PRTN3: variants seen among roughly 807,000 people sequenced by gnomAD.
PRTN3 encodes myeloblastin.
In PRTN3, 22 loss-of-function variants were observed where a neutral mutation model predicts 20.7. The observed-to-expected ratio is 1.06, with a 90% CI of 0.76 to 1.52. PRTN3 has a LOEUF of 1.52. Ranked by LOEUF, PRTN3 falls within the 40% of genes most tolerant of loss-of-function variation. PRTN3 has a pLI of 0.00. For missense variants in PRTN3, 378 were observed against 359.6 expected (o/e 1.05, Z -0.41); for synonymous variants, 173 against 152.9 (o/e 1.13, Z -0.97).
chr19:843,844 C>T, intron 2 of PRTN3, 49 bp from the exon 3 acceptor site: 2 of 1,534,196 alleles, frequency 1.3e-6, no homozygotes, highest in South Asian at 1.2e-5. Flanking sequence ...CGGCTGTGGG[C>T]GGCGGCGAGT....
At position 843,996 on chromosome 19, in the gene PRTN3, G is replaced by T; in HGVS notation, c.331G>T (p.Asp111Tyr). 2 of 1,607,124 alleles carry T rather than the reference G, an allele frequency of 1.2e-6. No individual in the cohort carries two copies. The highest frequency in any genetic ancestry group is 1.7e-6 in the Non-Finnish European group (2 of 1,177,270). Reference sequence around the variant, plus strand: ...GGCTCAGGTGTTTCTGAACAACTACGACGCGGAGAACAAACTGAACGACGT... The same window carrying T: ...GGCTCAGGTGTTTCTGAACAACTACTACGCGGAGAACAAACTGAACGACGT... ...SVAQVFLNNYDAENKLNDVLL... is the reference protein window; with the variant it reads ...SVAQVFLNNYYAENKLNDVLL... The change falls in exon 3 of 5, where the codon GAC becomes TAC. Residue 111 changes from aspartate (D) to tyrosine (Y), a missense_variant. By Grantham distance (160) the Asp-to-Tyr change is radical. Coordinates refer to ENST00000234347, the MANE Select transcript of PRTN3 (RefSeq NM_002777.4).
At chr19:843,667 C>T in intron 2 of PRTN3, 41 bp downstream of exon 2, 1 of 1,542,200 alleles carries the variant, frequency 6.5e-7, no homozygotes, top group Non-Finnish European at 8.7e-7. Flanking sequence ...CCGCCCCGCC[C>T]TCTTCCTCCA....
intron 4 of PRTN3, among the ~76,000 whole-genome samples, chr19:847,073 A>T (rs2035526533): frequency 6.6e-6 from 1 of 152,130 alleles, no homozygotes; most frequent in South Asian, 2.1e-4. Flanking sequence ...TGGGAGGCCA[A>T]AGCGGAAGGA....
chr19:848,022 G>C lies in PRTN3; in HGVS notation c.*53G>C. The C allele has an allele frequency of 1.3e-6, 2 of 1,540,888 alleles. No homozygotes were observed. The highest frequency in any genetic ancestry group is 1.7e-6 in the Non-Finnish European group (2 of 1,144,536). On this transcript the variant is annotated 3_prime_UTR_variant, in exon 5 of 5. Transcript: ENST00000234347. ...ACCCCGAGCCTGGCTCCAAACCCTC[G>C]AGGCGGATCTTTGGACAGAAGCAGC... is the stretch of plus-strand genomic sequence containing the variant.
Position 843,510 on chromosome 19 carries a change from C to T in PRTN3, c.111C>T (p.His37=). The T allele has an allele frequency of 1.3e-6, 2 of 1,588,352 alleles. No homozygotes were observed. The highest frequency in any genetic ancestry group is 1.7e-6 in the Non-Finnish European group (2 of 1,170,514). ...TGGGCGGGCACGAGGCGCAGCCACA[C>T]TCCCGGCCCTACATGGCCTCCCTGC... ...EIVGGHEAQP[H]SRPYMASLQM... is the part of the protein sequence containing the mutation. The change falls in exon 2 of 5, where the codon CAC becomes CAT. Residue 37 remains histidine (H), a synonymous_variant. Transcript: ENST00000234347.
At chr19:843,410 C>T (rs541776339) in intron 1 of PRTN3, 51 bp from the exon 2 acceptor site, 4 of 1,492,738 alleles carry the variant, frequency 2.7e-6, no homozygotes, top group African/African-American at 2.8e-5. Context: ...TGCCATCCCC[C>T]CTTTCCCTGC....
At chr19:843,208 A>G (rs1283632245) in intron 1 of PRTN3, 6 of 519,232 alleles carry the variant, frequency 1.2e-5, no homozygotes, top group East Asian at 3.3e-5. Flanking sequence ...GAGCCACTGC[A>G]CCCAGCCACC....
At chr19:843,787 G>T in intron 2 of PRTN3, 106 bp from the exon 3 acceptor site, 1 of 1,456,998 alleles carries the variant, frequency 6.9e-7, no homozygotes, top group Non-Finnish European at 9.0e-7. Context: ...CCGGGGCAGG[G>T]TCGCCGAGGG....
rs569153272 is a variant in PRTN3 at position 846,217 on chromosome 19, C to T, written c.440C>T (p.Pro147Leu). ...CTGCCACAGCAGGACCAGCCAGTGC[C>T]CCACGGCACCCAGTGCCTGGCCATG... ...VQLPQQDQPV[P>L]HGTQCLAMGW... Residue 147 changes from proline (P) to leucine (L), a missense_variant, in exon 4 of 5, where the codon CCC becomes CTC. By Grantham distance (98) the Pro-to-Leu change is moderately conservative. Coordinates refer to ENST00000234347, the MANE Select transcript of PRTN3 (RefSeq NM_002777.4). The T allele has an allele frequency of 4.7e-5, 72 of 1,546,720 alleles. No individual in the cohort carries two copies. The African/African-American group carries it at 8.9e-4, about 19-fold the overall frequency.
intron 3 of PRTN3, 96 bp from the exon 4 acceptor site, chr19:846,051 T>G: frequency 1.1e-6 from 1 of 890,784 alleles, no homozygotes; most frequent in Non-Finnish European, 1.6e-6. Context: ...CGCGGCGTTT[T>G]GAGGTGGTGG....
At chr19:842,256 C>A (rs965031522) in intron 1 of PRTN3, among the ~76,000 whole-genome samples, 1 of 150,666 alleles carries the variant, frequency 6.6e-6, no homozygotes, top group African/African-American at 2.4e-5. Flanking sequence ...GAACTCCTGA[C>A]CTGAGGGGGA....
chr19:842,586 A>ATTTTTTTTTTTTTTTTT (rs71174326), intron 1 of PRTN3, among the ~76,000 whole-genome samples: 1 of 65,476 alleles, frequency 1.5e-5, no homozygotes, highest in African/African-American at 7.9e-5. Context: ...CACCTGGCTA[A>ATTTTTTTTTTTTTTTTT]TTTTTTTTTT....
rs776085171 is a variant in PRTN3 at position 843,664 on chromosome 19, G to A, written c.227+38G>A. ...CTCCACACCCCTGTCCGCCCGCCCC[G>A]CCCTCTTCCTCCAGCCCTGGCCCGG... is the stretch of plus-strand genomic sequence containing the variant. On this transcript the variant is annotated intron_variant, in intron 2 of 4. Transcript: ENST00000234347. 2.1e-5 allele frequency: 32 copies of A among 1,541,764 alleles called. No individual in the cohort carries two copies. The East Asian group carries it at 5.5e-4, about 27-fold the overall frequency.
chr19:847,440 C>T (rs1310879430), intron 4 of PRTN3, among the ~76,000 whole-genome samples: 1 of 127,304 alleles, frequency 7.9e-6, no homozygotes, highest in East Asian at 2.2e-4. Context: ...CTGTCGCAAA[C>T]AAAACAAAAA....
intron 3 of PRTN3, among the ~76,000 whole-genome samples, chr19:844,288 G>A (rs1249663101): frequency 1.4e-5 from 1 of 69,536 alleles, no homozygotes; most frequent in Non-Finnish European, 2.8e-5. Context: ...CCCCGCCCGC[G>A]CCTCTCCCCC....
At chr19:843,424 C>A in intron 1 of PRTN3, 37 bp from the exon 2 acceptor site, 6 of 1,515,090 alleles carry the variant, frequency 4.0e-6, no homozygotes, top group Non-Finnish European at 5.3e-6. Flanking sequence ...TCCCTGCAGC[C>A]TGGGGGCTCC....
chr19:843,363 C>A (rs562312874), intron 1 of PRTN3, 98 bp from the exon 2 acceptor site: 3 of 1,309,034 alleles, frequency 2.3e-6, no homozygotes, highest in South Asian at 3.1e-5. Context: ...GGTTGCAGAT[C>A]GGGAGACGGA....
In PRTN3 at chr19:843,450, C is replaced by T. The variant is rs925091505; in HGVS notation, c.62-11C>T. On this transcript the variant is annotated splice_polypyrimidine_tract_variant and intron_variant, in intron 1 of 4. Transcript: ENST00000234347. ...TGGGGGCTCCCTGACGCCTGGACTC[C>T]CCCCCTGCAGGTGCTGCCCGAGCTG... 6.5e-7 allele frequency: 1 copy of T among 1,549,598 alleles called. No homozygotes were observed. Among genetic ancestry groups the T allele is most frequent in the East Asian group, 2.4e-5 (1 of 41,790 alleles).
In PRTN3 at chr19:844,001, G is replaced by A. The variant is rs748605980; in HGVS notation, c.336G>A (p.Ala112=). Residue 112 remains alanine (A), a synonymous_variant, in exon 3 of 5, where the codon GCG becomes GCA. Transcript: ENST00000234347. ...VAQVFLNNYD[A]ENKLNDVLLI... ...AGGTGTTTCTGAACAACTACGACGC[G>A]GAGAACAAACTGAACGACGTTCTCC... 20 of 1,607,058 alleles carry A rather than the reference G, an allele frequency of 1.2e-5. No individual in the cohort carries two copies. The highest frequency in any genetic ancestry group is 3.4e-5 in the Admixed American group (2 of 59,222).
Sources: allele counts gnomAD v4.1 joint callset (sites outside exome capture counted in the v4.1 genomes callset), GRCh38; gene constraint gnomAD v4.1.1; transcripts MANE v1.5; gene names NCBI Gene and HGNC (gene_info 2026-07-23, HGNC 2026-07-21).